ZNF530: variants seen among roughly 807,000 people sequenced by gnomAD.
The protein encoded by ZNF530 is zinc finger protein 530.
A neutral mutation model predicts 2.8 loss-of-function variants in ZNF530; 5 were observed. The ratio of observed to expected loss-of-function variants is 1.80; its 90% CI spans 0.94 to 3.78. The LOEUF (loss-of-function observed/expected upper bound fraction) is 3.78, where lower values mean the gene tolerates loss of function less well. Among genes scored for constraint, ZNF530 ranks in the 30% most tolerant of loss-of-function variants. The probability of loss-of-function intolerance (pLI) is 0.00; values close to 1 mark genes in which losing one functional copy is unlikely to be tolerated. For missense variants in ZNF530, 619 were observed against 673.3 expected, an observed-to-expected ratio of 0.92 and a Z score of 0.89; for synonymous variants, 229 against 235.0, an observed-to-expected ratio of 0.97 and a Z score of 0.23.
At chr19:57,601,810 G>C (rs959639972) in intron 2 of ZNF530, among the ~76,000 whole-genome samples, 5 of 152,194 alleles carry the variant, frequency 3.3e-5, no homozygotes, top group African/African-American at 1.2e-4. Flanking sequence ...GCCTCAGGAA[G>C]CTTCCAATCA....
In ZNF530 at chr19:57,604,339, T is replaced by G; in HGVS notation, c.-7T>G. ...TCTCCCAGGAGGAGTGGGAGCTCCT[T>G]GATGAGATGCAGAGGCTCCTGTACC... On this transcript the variant is annotated 5_prime_UTR_variant, in exon 3 of 4. Coordinates refer to ENST00000597700, the MANE Select transcript of ZNF530 (RefSeq NM_001321981.2). The G allele has an allele frequency of 6.2e-7, 1 of 1,614,092 alleles. No individual in the cohort carries two copies. Among genetic ancestry groups the G allele is most frequent in the South Asian group, 1.1e-5 (1 of 91,080 alleles).
At position 57,606,920 on chromosome 19, in the gene ZNF530, C is replaced by T. The variant is rs754120090; in HGVS notation, c.1296C>T (p.Cys432=). 9.3e-6 allele frequency: 15 copies of T among 1,613,734 alleles called. No homozygotes were observed. In the South Asian group the frequency reaches 1.5e-4, roughly 17 times the overall value. The change falls in exon 4 of 4, where the codon TGC becomes TGT. Residue 432 remains cysteine (C), a synonymous_variant. Coordinates refer to ENST00000597700, the MANE Select transcript of ZNF530 (RefSeq NM_001321981.2). ...ACACTAAAACAAAGCCTTATGAGTG[C>T]AGTGAATGTGAAAAATCATTTAGTT... ...RAHTKTKPYE[C]SECEKSFSCK...
Position 57,607,401 on chromosome 19 carries a change from AT to A in ZNF530, c.*78del. 1 of 1,429,574 alleles carries A rather than the reference AT, an allele frequency of 7.0e-7. No individual in the cohort carries two copies. Among genetic ancestry groups the A allele is most frequent in the South Asian group, 1.4e-5 (1 of 71,610 alleles). The allele number at this position is 1,429,574 out of a possible 1,614,324, so 88.6% of individuals were successfully genotyped here. The stretch of plus-strand genomic sequence containing the variant: ...TGCTCGTCACCCAGGCTGGAGTGCA[AT>A]TGTGCAATCTCAGCTCACTGCAACC... On this transcript the variant is annotated 3_prime_UTR_variant, in exon 4 of 4. Coordinates refer to ENST00000597700, the MANE Select transcript of ZNF530 (RefSeq NM_001321981.2).
At chr19:57,601,611 GA>G (rs1327139906) in intron 2 of ZNF530, among the ~76,000 whole-genome samples, 2 of 152,332 alleles carry the variant, frequency 1.3e-5, no homozygotes, top group Non-Finnish European at 2.9e-5. Context: ...AAGGGTGCAG[GA>G]TAGAGACTTC....
rs761306270 is a variant in ZNF530 at position 57,605,985 on chromosome 19, T to A, written c.361T>A (p.Ser121Thr). The change falls in exon 4 of 4, where the codon TCA becomes ACA. Residue 121 changes from serine (S) to threonine (T), a missense_variant. Transcript: ENST00000597700. ...CTTTAAAGTGGATGGGGACCAGGCCTCATTTATGATGAACTGCAGGTTCCA... is the reference window on the plus strand; with the variant it reads ...CTTTAAAGTGGATGGGGACCAGGCCACATTTATGATGAACTGCAGGTTCCA... ...KLFKVDGDQA[S>T]FMMNCRFHVS... The A allele has an allele frequency of 5.0e-6, 8 of 1,614,212 alleles. No homozygotes were observed. The highest frequency in any genetic ancestry group is 6.8e-6 in the Non-Finnish European group (8 of 1,180,038).
Position 57,606,699 on chromosome 19 carries a change from A to G in ZNF530, c.1075A>G (p.Ile359Val). ...SECGKAFSCN[I>V]YLIHHQRFHT... The stretch of plus-strand genomic sequence containing the variant: ...ATGTGGGAAAGCATTTAGTTGCAAT[A>G]TCTACCTTATTCACCACCAAAGATT... The change falls in exon 4 of 4, where the codon ATC (isoleucine) becomes GTC (valine). Residue 359 changes from isoleucine to valine, a missense_variant. Coordinates refer to ENST00000597700, the MANE Select transcript of ZNF530 (RefSeq NM_001321981.2). The G allele has an allele frequency of 6.2e-7, 1 of 1,613,640 alleles. No individual in the cohort carries two copies. Among genetic ancestry groups the G allele is most frequent in the African/African-American group, 1.3e-5 (1 of 74,816 alleles).
chr19:57,604,859 T>A (rs1980419100), intron 3 of ZNF530: 2 of 166,660 alleles, frequency 1.2e-5, no homozygotes, highest in African/African-American at 4.8e-5. Flanking sequence ...TGCTGTAGTT[T>A]GTCATGTGCT....
rs1003663221 is a variant in ZNF530 at position 57,610,001 on chromosome 19, A to G, written c.*2676A>G. 2.0e-5 allele frequency among the ~76,000 whole-genome samples: 3 copies of G among 152,288 alleles called. No individual in the cohort carries two copies. The East Asian group carries it at 5.8e-4, about 29-fold the overall frequency. ...AGTCAATAGAGACTTAGTAAACCAG[A>G]CTTTTTGAAGTGTCAATGACCAAGA... is the stretch of plus-strand genomic sequence containing the variant. On this transcript the variant is annotated 3_prime_UTR_variant, in exon 4 of 4. Coordinates refer to ENST00000597700, the MANE Select transcript of ZNF530 (RefSeq NM_001321981.2).
chr19:57,607,062 C>G lies in ZNF530; in HGVS notation c.1438C>G (p.His480Asp), dbSNP rs1420423156. Residue 480 changes from histidine (H) to aspartate (D), a missense_variant, in exon 4 of 4, where the codon CAC becomes GAC. His to Asp is a moderately conservative substitution (Grantham distance 81). Transcript: ENST00000597700. The part of the protein sequence containing the change: ...KTHLIRHQTV[H>D]TNERPYECDE... The stretch of plus-strand genomic sequence containing the variant: ...CCACCTCATTCGACACCAGACTGTT[C>G]ACACTAATGAAAGGCCTTATGAGTG... 1 of 1,613,026 alleles carries G rather than the reference C, an allele frequency of 6.2e-7. No individual in the cohort carries two copies. The highest frequency in any genetic ancestry group is 1.3e-5 in the African/African-American group (1 of 74,816).
At chr19:57,612,707 C>A (rs1465123240), downstream of ZNF530, 2 of 388,972 alleles carry the variant, frequency 5.1e-6, no homozygotes, top group Non-Finnish European at 4.5e-6. Context: ...AATAAAATTA[C>A]ATTTTGGAGA....
At position 57,607,385 on chromosome 19, in the gene ZNF530, C is replaced by A; in HGVS notation, c.*60C>A. 6.7e-7 allele frequency: 1 copy of A among 1,501,038 alleles called. No individual in the cohort carries two copies. The highest frequency in any genetic ancestry group is 8.9e-7 in the Non-Finnish European group (1 of 1,125,176). 93.0% of individuals were successfully genotyped at this position (1,501,038 alleles called of 1,614,324 possible). ...TTTTGAGATGGAATTTTGCTCGTCA[C>A]CCAGGCTGGAGTGCAATTGTGCAAT... On this transcript the variant is annotated 3_prime_UTR_variant, in exon 4 of 4. Coordinates refer to ENST00000597700, the MANE Select transcript of ZNF530 (RefSeq NM_001321981.2).
chr19:57,603,857 G>A (rs936111203), intron 2 of ZNF530, among the ~76,000 whole-genome samples: 1 of 152,182 alleles, frequency 6.6e-6, no homozygotes, highest in Non-Finnish European at 1.5e-5. Flanking sequence ...CCTGTGTTGT[G>A]GGATCGGGGT....
Position 57,599,964 on chromosome 19 carries a change from T to C in ZNF530, c.-292T>C. On this transcript the variant is annotated 5_prime_UTR_variant, in exon 1 of 4. Transcript: ENST00000597700. ...CGCGGGTGCCGGATCTGGACCTAGG[T>C]GCTGACAGCGAGAAGGCGCGAGGAG... 1 of 975,866 alleles carries C rather than the reference T, an allele frequency of 1.0e-6. No homozygotes were observed. The highest frequency in any genetic ancestry group is 1.5e-6 in the Non-Finnish European group (1 of 687,864). 60.5% of individuals were successfully genotyped at this position (975,866 alleles called of 1,614,324 possible). A position where few individuals can be genotyped will look rare whatever the true frequency, so the allele number is the denominator to read the frequency against.
chr19:57,612,285 T>C (rs1025707365), downstream of ZNF530, among the ~76,000 whole-genome samples: 3 of 152,216 alleles, frequency 2.0e-5, no homozygotes, highest in African/African-American at 7.2e-5. Context: ...ATTTAGCATT[T>C]TTTTCATATT....
Position 57,607,449 on chromosome 19 carries a change from A to G in ZNF530, c.*124A>G, listed in dbSNP as rs10413803. On this transcript the variant is annotated 3_prime_UTR_variant, in exon 4 of 4. Transcript: ENST00000597700. Reference sequence around the variant, plus strand: ...AACCTCCGCCTCCTGGGATCAAGTGATTCTCCTGCCACAGCCTCCTGAGTA... The same window carrying G: ...AACCTCCGCCTCCTGGGATCAAGTGGTTCTCCTGCCACAGCCTCCTGAGTA... 2.2e-3 allele frequency: 2,112 copies of G among 956,288 alleles called. 21 individuals are homozygous for G. In the African/African-American group the frequency reaches 0.029, roughly 13 times the overall value. 59.2% of individuals were successfully genotyped at this position (956,288 alleles called of 1,614,324 possible).
In ZNF530 at chr19:57,599,937, T is replaced by G. The variant is rs1189967260; in HGVS notation, c.-319T>G. The G allele has an allele frequency of 1.4e-6, 1 of 714,764 alleles. No homozygotes were observed. The highest frequency in any genetic ancestry group is 2.2e-6 in the Non-Finnish European group (1 of 460,706). 44.3% of individuals were successfully genotyped at this position (714,764 alleles called of 1,614,324 possible). A position where few individuals can be genotyped will look rare whatever the true frequency, so the allele number is the denominator to read the frequency against. ...GGCACTTTGGCTTGTGTCAGTTCCATCCGCGGGTGCCGGATCTGGACCTAG... is the reference window on the plus strand; with the variant it reads ...GGCACTTTGGCTTGTGTCAGTTCCAGCCGCGGGTGCCGGATCTGGACCTAG... On this transcript the variant is annotated 5_prime_UTR_variant, in exon 1 of 4. Coordinates refer to ENST00000597700, the MANE Select transcript of ZNF530 (RefSeq NM_001321981.2).
chr19:57,610,448 G>A (rs1462285176), downstream of ZNF530, among the ~76,000 whole-genome samples: 4 of 145,562 alleles, frequency 2.7e-5, no homozygotes, highest in East Asian at 2.1e-4. Flanking sequence ...GTGTGTGTGT[G>A]TATACTTACT....
chr19:57,606,716 C>T lies in ZNF530; in HGVS notation c.1092C>T (p.His364=), dbSNP rs1166021680. 1.2e-6 allele frequency: 2 copies of T among 1,613,714 alleles called. No individual in the cohort carries two copies. The highest frequency in any genetic ancestry group is 2.2e-5 in the East Asian group (1 of 44,844). The change falls in exon 4 of 4, where the codon CAC becomes CAT. Residue 364 remains histidine, a synonymous_variant. Transcript: ENST00000597700. ...GTTGCAATATCTACCTTATTCACCA[C>T]CAAAGATTTCACACTGGAGAAAGAC... ...AFSCNIYLIH[H]QRFHTGERPY...
At chr19:57,611,677 C>T (rs1980884364), downstream of ZNF530, among the ~76,000 whole-genome samples, 2 of 151,880 alleles carry the variant, frequency 1.3e-5, no homozygotes, top group African/African-American at 4.8e-5. Flanking sequence ...AACTCTTTTC[C>T]CTCCTGGTAC....
Sources: gnomAD v4.1 joint callset for allele counts (sites outside exome capture counted in the v4.1 genomes callset) on GRCh38, gnomAD v4.1.1 for gene constraint, MANE v1.5 for transcripts, NCBI Gene and HGNC (gene_info 2026-07-23, HGNC 2026-07-21) for gene names.